The following ZNF215 variants were observed in gnomAD, a reference collection of about 807,000 sequenced individuals.
ZNF215 encodes zinc finger protein 215, also known as BWSCR2-associated zinc finger protein 2.
Under a neutral mutation model 27.2 loss-of-function variants are expected in ZNF215, and 24 were observed. The observed-to-expected ratio is 0.88, with a 90% CI of 0.64 to 1.24. The LOEUF is 1.24. Ranked by LOEUF, ZNF215 falls within the 50% of genes most tolerant of loss-of-function variation. ZNF215 has a pLI of 0.00. For missense variants in ZNF215, 675 were observed against 605.7 expected (o/e 1.11, Z -1.20); for synonymous variants, 210 against 204.0 (o/e 1.03, Z -0.25).
intron 5 of ZNF215, among the ~76,000 whole-genome samples, chr11:6,975,378 T>C (rs2262676): frequency 2.2e-4 from 34 of 151,962 alleles, no homozygotes; most frequent in Non-Finnish European, 4.3e-4. Flanking sequence ...TTTATCCTTT[T>C]TGTTATGATC....
intron 2 of ZNF215, among the ~76,000 whole-genome samples, chr11:6,928,844 CTT>C (rs1416813081): frequency 1.3e-5 from 2 of 152,142 alleles, no homozygotes; most frequent in African/African-American, 4.8e-5. Context: ...AGAGCTCTCT[CTT>C]GGCTGGTGGC....
downstream of ZNF215, among the ~76,000 whole-genome samples, chr11:6,990,162 A>G (rs866402172): frequency 3.9e-5 from 6 of 152,084 alleles, no homozygotes; most frequent in Admixed American, 1.3e-4. Context: ...AGCTTTTTCT[A>G]TTTTTGAAAG....
downstream of ZNF215, among the ~76,000 whole-genome samples, chr11:6,986,758 A>T (rs1384876740): frequency 6.6e-6 from 1 of 152,134 alleles, no homozygotes; most frequent in African/African-American, 2.4e-5. Context: ...AAAAATGCTC[A>T]TCATCACTAA....
Position 6,943,414 on chromosome 11 carries a change from A to C in ZNF215, c.617-132A>C, listed in dbSNP as rs919343488. The C allele has an allele frequency of 5.5e-6, 6 of 1,097,010 alleles. No individual in the cohort carries two copies. In the African/African-American group the frequency reaches 9.5e-5, roughly 17 times the overall value. 68.0% of individuals were successfully genotyped at this position (1,097,010 alleles called of 1,614,324 possible). Reference sequence around the variant, plus strand: ...TATTGAGCCAGAGATACACAAGTCTATGGTGCTCTTCTGGCCTTACCCTTC... The same window carrying C: ...TATTGAGCCAGAGATACACAAGTCTCTGGTGCTCTTCTGGCCTTACCCTTC... On this transcript the variant is annotated intron_variant, in intron 5 of 6. Coordinates refer to ENST00000278319, the MANE Select transcript of ZNF215 (RefSeq NM_013250.4).
Position 6,956,852 on chromosome 11 carries a change from A to G in ZNF215, c.*321A>G. Reference sequence around the variant, plus strand: ...TCATAAATAGGTCTATAGCATACTAATATCCACCTGATTTATTGACGAAGT... The same window carrying G: ...TCATAAATAGGTCTATAGCATACTAGTATCCACCTGATTTATTGACGAAGT... On this transcript the variant is annotated 3_prime_UTR_variant, in exon 7 of 7. Coordinates refer to ENST00000278319, the MANE Select transcript of ZNF215 (RefSeq NM_013250.4). The G allele has an allele frequency of 9.7e-7, 1 of 1,034,444 alleles. No individual in the cohort carries two copies. Among genetic ancestry groups the G allele is most frequent in the Non-Finnish European group, 1.2e-6 (1 of 861,522 alleles). 64.1% of individuals were successfully genotyped at this position (1,034,444 alleles called of 1,614,324 possible).
In ZNF215 at chr11:6,956,045, A is replaced by C. The variant is rs1431365509; in HGVS notation, c.1068A>C (p.Glu356Asp). The C allele has an allele frequency of 6.2e-7, 1 of 1,609,680 alleles. No homozygotes were observed. The highest frequency in any genetic ancestry group is 1.7e-5 in the Admixed American group (1 of 59,420). Residue 356 changes from glutamate (E) to aspartate (D), a missense_variant, in exon 7 of 7, where the codon GAA becomes GAC. Coordinates refer to ENST00000278319, the MANE Select transcript of ZNF215 (RefSeq NM_013250.4). Reference sequence around the variant, plus strand: ...TAGGTAAGCAACATTCAGAATATGAATATGGGAATGACTTGAGTTTGAGTA... The same window carrying C: ...TAGGTAAGCAACATTCAGAATATGACTATGGGAATGACTTGAGTTTGAGTA... Reference protein sequence around the residue: ...DSVGKQHSEYEYGNDLSLSTD... With the variant: ...DSVGKQHSEYDYGNDLSLSTD...
At chr11:6,968,596 TG>T (rs1225623156) in intron 5 of ZNF215, among the ~76,000 whole-genome samples, 1 of 151,598 alleles carries the variant, frequency 6.6e-6, no homozygotes, top group Non-Finnish European at 1.5e-5. Flanking sequence ...CTGGGCACAG[TG>T]GCTCACACCT....
At position 6,957,629 on chromosome 11, in the gene ZNF215, A is replaced by C. The variant is rs1408844674; in HGVS notation, c.*1098A>C. On this transcript the variant is annotated 3_prime_UTR_variant, in exon 7 of 7. Transcript: ENST00000278319. ...TTGTGACCAGACATTTGCCTTAGGA[A>C]CTTAACTCTTGTTTGTATCCATTAG... 2.1e-6 allele frequency: 1 copy of C among 475,048 alleles called. No individual in the cohort carries two copies. Among genetic ancestry groups the C allele is most frequent in the East Asian group, 1.5e-4 (1 of 6,522 alleles). The allele number at this position is 475,048 out of a possible 1,614,324, so 29.4% of individuals were successfully genotyped here.
intron 3 of ZNF215, 78 bp from the exon 4 acceptor site, chr11:6,941,491 CAT>C (rs1849629465): frequency 8.2e-7 from 1 of 1,215,008 alleles, no homozygotes; most frequent in East Asian, 2.5e-5. Flanking sequence ...CTGTGAATAT[CAT>C]ATTAAAACAA....
chr11:6,945,968 T>G (rs1849800091), intron 6 of ZNF215, among the ~76,000 whole-genome samples: 1 of 152,206 alleles, frequency 6.6e-6, no homozygotes, highest in Admixed American at 6.5e-5. Flanking sequence ...AGTCTGATTT[T>G]TTTTCCCTTT....
Position 6,957,231 on chromosome 11 carries a change from G to C in ZNF215, c.*700G>C. ...GTTATAATGTTATAATTGTTATGAT[G>C]TTGATGAGAAAAATATCGATTCCCA... On this transcript the variant is annotated 3_prime_UTR_variant, in exon 7 of 7. Transcript: ENST00000278319. The C allele has an allele frequency of 4.1e-6, 4 of 973,718 alleles. No individual in the cohort carries two copies. Among genetic ancestry groups the C allele is most frequent in the Non-Finnish European group, 4.9e-6 (4 of 819,248 alleles). 60.3% of individuals were successfully genotyped at this position (973,718 alleles called of 1,614,324 possible). A position where few individuals can be genotyped will look rare whatever the true frequency, so the allele number is the denominator to read the frequency against.
At chr11:6,977,397 T>A (rs1473634891) in intron 5 of ZNF215, among the ~76,000 whole-genome samples, 1 of 152,050 alleles carries the variant, frequency 6.6e-6, no homozygotes, top group Non-Finnish European at 1.5e-5. Context: ...TTAGATTTTT[T>A]AAAATATAGA....
downstream of ZNF215, among the ~76,000 whole-genome samples, chr11:6,987,513 G>A (rs755350648): frequency 1.3e-5 from 2 of 152,040 alleles, no homozygotes; most frequent in Non-Finnish European, 2.9e-5. Context: ...ATGTATCCCC[G>A]ACTGTAAGAT....
intron 3 of ZNF215, among the ~76,000 whole-genome samples, chr11:6,938,580 AG>A (rs1849519163): frequency 1.3e-5 from 2 of 149,184 alleles, no homozygotes; most frequent in African/African-American, 5.0e-5. Context: ...GCCATAAAAA[AG>A]AATGAAGTAC....
intron 6 of ZNF215, among the ~76,000 whole-genome samples, chr11:6,954,471 C>A (rs909073433): frequency 6.6e-6 from 1 of 152,224 alleles, no homozygotes; most frequent in Admixed American, 6.5e-5. Flanking sequence ...CTCGCTGCCA[C>A]CTTGCAGTTT....
intron 5 of ZNF215, among the ~76,000 whole-genome samples, chr11:6,964,249 C>A (rs1850571999): frequency 6.6e-6 from 1 of 151,596 alleles, no homozygotes; most frequent in Admixed American, 6.6e-5. Flanking sequence ...CATGGCTTGT[C>A]CTTTCATTTT....
intron 3 of ZNF215, among the ~76,000 whole-genome samples, chr11:6,933,515 C>T (rs968950099): frequency 2.6e-5 from 4 of 152,132 alleles, no homozygotes; most frequent in South Asian, 2.1e-4. Context: ...AGGCCAGGTG[C>T]GGTGGCTCAC....
rs752719792 is a variant in ZNF215 at position 6,956,237 on chromosome 11, A to C, written c.1260A>C (p.Thr420=). Residue 420 remains threonine (T), a synonymous_variant, in exon 7 of 7, where the codon ACA becomes ACC. Coordinates refer to ENST00000278319, the MANE Select transcript of ZNF215 (RefSeq NM_013250.4). The part of the protein sequence containing the change: ...SECGRFFNRR[T]NLTKHQKLHA... ...GTGGGAGATTCTTCAACCGACGTAC[A>C]AACCTTACTAAGCATCAAAAACTTC... 2 of 1,613,684 alleles carry C rather than the reference A, an allele frequency of 1.2e-6. No homozygotes were observed. Among genetic ancestry groups the C allele is most frequent in the Admixed American group, 3.3e-5 (2 of 59,964 alleles).
chr11:6,985,432 A>G (rs558197350), downstream of ZNF215, among the ~76,000 whole-genome samples: 38 of 152,294 alleles, frequency 2.5e-4, 1 homozygote, highest in Admixed American at 9.8e-4. Context: ...CCCACAGCCA[A>G]CATTGTACTA....
Sources: gnomAD v4.1 joint callset for allele counts (sites outside exome capture counted in the v4.1 genomes callset) on GRCh38, gnomAD v4.1.1 for gene constraint, MANE v1.5 for transcripts, NCBI Gene and HGNC (gene_info 2026-07-23, HGNC 2026-07-21) for gene names.